ZNF397: variants seen among roughly 807,000 people sequenced by gnomAD.
The protein encoded by ZNF397 is zinc finger protein 397, also known as zinc finger and SCAN domain-containing protein 15.
A neutral mutation model predicts 50.6 loss-of-function variants in ZNF397; 38 were observed. The ratio of observed to expected loss-of-function variants is 0.75; its 90% CI spans 0.58 to 0.98. ZNF397 has a LOEUF of 0.98. Ranked by LOEUF, ZNF397 falls within the 50% of genes least tolerant of loss-of-function variation. The pLI is 0.00. For synonymous variants in ZNF397, 228 were observed against 215.2 expected (o/e 1.06, Z -0.52); for missense variants, 624 against 624.1 (o/e 1.00, Z 0.00).
downstream of ZNF397, among the ~76,000 whole-genome samples, chr18:35,250,464 GAAT>G (rs1421466752): frequency 8.5e-5 from 13 of 152,282 alleles, 1 homozygote; most frequent in South Asian, 2.5e-3. Flanking sequence ...GCAGTCCAGG[GAAT>G]AATAATGTCT....
chr18:35,251,847 C>T (rs942789987), downstream of ZNF397: 1 of 151,628 alleles, frequency 6.6e-6, no homozygotes, highest in Admixed American at 6.6e-5. Context: ...CTTCATAGCA[C>T]TGTGAAAATG....
Position 35,243,252 on chromosome 18 carries a change from C to T in ZNF397, c.515C>T (p.Thr172Ile), listed in dbSNP as rs1256270262. 1 of 1,614,220 alleles carries T rather than the reference C, an allele frequency of 6.2e-7. No homozygotes were observed. The highest frequency in any genetic ancestry group is 8.5e-7 in the Non-Finnish European group (1 of 1,180,042). ...GACATCCACCTCCAGCCCTTAAAGA[C>T]ACAGCTGAAATCCTGGAAACCATGC... ...STDIHLQPLK[T>I]QLKSWKPCLS... is the part of the protein sequence containing the mutation. Residue 172 changes from threonine (T) to isoleucine (I), a missense_variant, in exon 3 of 4, where the codon ACA becomes ATA. Thr to Ile is a moderately conservative substitution (Grantham distance 89). Coordinates refer to ENST00000330501, the MANE Select transcript of ZNF397 (RefSeq NM_001135178.3).
At chr18:35,254,359 T>G, downstream of ZNF397, 1 of 1,613,890 alleles carries the variant, frequency 6.2e-7, no homozygotes, top group Middle Eastern at 1.6e-4. Flanking sequence ...CCATCAACAC[T>G]TTGCCAGCCA....
chr18:35,241,783 T>G (rs1274207175), intron 1 of ZNF397: 1 of 152,210 alleles, frequency 6.6e-6, no homozygotes, highest in Non-Finnish European at 1.5e-5. Flanking sequence ...AGTAAGTGCC[T>G]CAGTGTTTGT....
intron 1 of ZNF397, among the ~76,000 whole-genome samples, chr18:35,241,910 A>G (rs1912531882): frequency 6.6e-6 from 1 of 152,096 alleles, no homozygotes; most frequent in African/African-American, 2.4e-5. Flanking sequence ...ATGAAAATCA[A>G]CATTACTTGC....
chr18:35,243,641 G>A, intron 3 of ZNF397: 3 of 533,998 alleles, frequency 5.6e-6, no homozygotes, highest in Non-Finnish European at 1.0e-5. Flanking sequence ...ATATAAGTAG[G>A]CAGTGGGTAC....
chr18:35,253,205 G>A (rs190800548), downstream of ZNF397: 1 of 370,296 alleles, frequency 2.7e-6, no homozygotes, highest in Admixed American at 4.2e-5. Context: ...GTCTCATCCA[G>A]AAATGGGTTA....
downstream of ZNF397, chr18:35,251,310 C>T (rs911588773): frequency 6.6e-6 from 1 of 152,144 alleles, no homozygotes; most frequent in African/African-American, 2.4e-5. Context: ...TTACAATTCA[C>T]AATCAGGAGA....
At position 35,246,279 on chromosome 18, in the gene ZNF397, T is replaced by C. The variant is rs376307223; in HGVS notation, c.1574T>C (p.Met525Thr). 5.3e-5 allele frequency: 82 copies of C among 1,550,828 alleles called. No individual in the cohort carries two copies. In the East Asian group the frequency reaches 1.7e-3, roughly 32 times the overall value. Residue 525 changes from methionine (M) to threonine (T), a missense_variant, in exon 4 of 4, where the codon ATG becomes ACG. Coordinates refer to ENST00000330501, the MANE Select transcript of ZNF397 (RefSeq NM_001135178.3). The stretch of plus-strand genomic sequence containing the variant: ...GCTTTCAGGCACAGATCGGTCCTTA[T>C]GCGCCATCAAAGAGTCCACACTATA... ...GKAFRHRSVL[M>T]RHQRVHTIK
chr18:35,251,186 T>G (rs866994323), downstream of ZNF397: 6 of 152,312 alleles, frequency 3.9e-5, no homozygotes, highest in African/African-American at 1.4e-4. Context: ...CTAAAAATAC[T>G]AGGATTGGGA....
chr18:35,250,318 T>G (rs1017516080), downstream of ZNF397, among the ~76,000 whole-genome samples: 4 of 152,210 alleles, frequency 2.6e-5, no homozygotes, highest in African/African-American at 9.6e-5. Context: ...ATTCCACTTT[T>G]TATGAAATGG....
chr18:35,249,734 T>G lies in ZNF397; in HGVS notation c.*3424T>G, dbSNP rs933198440. The G allele has an allele frequency of 2.1e-5, 3 of 145,738 alleles. No homozygotes were observed. The highest frequency in any genetic ancestry group is 7.6e-5 in the African/African-American group (3 of 39,384). The allele number at this position is 145,738 out of a possible 1,614,324, so 9.0% of individuals were successfully genotyped here. A position where few individuals can be genotyped will look rare whatever the true frequency, so the allele number is the denominator to read the frequency against. On this transcript the variant is annotated 3_prime_UTR_variant, in exon 4 of 4. Transcript: ENST00000330501. ...TTCATGATATATTGTTAAGTAAAAA[T>G]ATTACAAAACAATATGTACAGTATG...
chr18:35,245,805 A>C lies in ZNF397; in HGVS notation c.1100A>C (p.Lys367Thr), dbSNP rs1255957739. ...IRHRKIHTGE[K>T]ACKCNECGKA... ...CATCGGAAAATCCATACTGGTGAGA[A>C]AGCTTGTAAATGTAATGAGTGTGGC... The change falls in exon 4 of 4, where the codon AAA becomes ACA. Residue 367 changes from lysine (K) to threonine (T), a missense_variant. Lys to Thr is a moderately conservative substitution (Grantham distance 78). Transcript: ENST00000330501. The C allele has an allele frequency of 6.4e-7, 1 of 1,552,234 alleles. No individual in the cohort carries two copies. Among genetic ancestry groups the C allele is most frequent in the Non-Finnish European group, 8.7e-7 (1 of 1,147,198 alleles).
chr18:35,254,576 CA>C, downstream of ZNF397: 2 of 903,176 alleles, frequency 2.2e-6, no homozygotes, highest in Admixed American at 5.3e-5. Flanking sequence ...GTAAGGTAGA[CA>C]AAGAAATGAA....
chr18:35,258,932 A>G (rs916611007), downstream of ZNF397: 1 of 150,950 alleles, frequency 6.6e-6, no homozygotes, highest in Non-Finnish European at 1.5e-5. Context: ...ACTGCATTCA[A>G]GTATAGATTG....
At chr18:35,253,441 C>A (rs2043665280), downstream of ZNF397, 1 of 1,548,724 alleles carries the variant, frequency 6.5e-7, no homozygotes, top group Non-Finnish European at 8.7e-7. Context: ...ACAACTCTTA[C>A]CCACAGAGTT....
In ZNF397 at chr18:35,243,161, A is replaced by G; in HGVS notation, c.424A>G (p.Ser142Gly). The G allele has an allele frequency of 6.2e-7, 1 of 1,614,184 alleles. No homozygotes were observed. Among genetic ancestry groups the G allele is most frequent in the Non-Finnish European group, 8.5e-7 (1 of 1,180,028 alleles). ...FDDPGQQVPA[S>G]PQGPAVPWKD... ...ATTTTACTGATTTCAGGTCCCAGCT[A>G]GTCCACAGGGACCAGCAGTGCCATG... The change falls in exon 3 of 4, where the codon AGT (serine) becomes GGT (glycine). Residue 142 changes from serine to glycine, a missense_variant. Coordinates refer to ENST00000330501, the MANE Select transcript of ZNF397 (RefSeq NM_001135178.3).
chr18:35,256,215 G>A (rs1055565219), intron 5 of ZNF397: 1 of 152,314 alleles, frequency 6.6e-6, no homozygotes, highest in African/African-American at 2.4e-5. Context: ...TATTTAAAAA[G>A]TTGGAATAAA....
chr18:35,254,882 G>GA (rs1336461342), intron 5 of ZNF397: 1 of 162,732 alleles, frequency 6.1e-6, no homozygotes, highest in Non-Finnish European at 1.4e-5. Context: ...GCAGCAACTA[G>GA]AAAGCATTAA....
Sources: gnomAD v4.1 joint callset for allele counts (sites outside exome capture counted in the v4.1 genomes callset) on GRCh38, gnomAD v4.1.1 for gene constraint, MANE v1.5 for transcripts, NCBI Gene and HGNC (gene_info 2026-07-23, HGNC 2026-07-21) for gene names.